COL17A1: variants seen among roughly 807,000 people sequenced by gnomAD.
COL17A1 encodes collagen type XVII alpha 1 chain.
COL17A1 carries 181 observed loss-of-function variants against 218.4 expected under a neutral mutation model. The observed-to-expected ratio is 0.83, with a 90% confidence interval of 0.73 to 0.94. COL17A1 has a LOEUF of 0.94. COL17A1 is among the 40% of genes least tolerant of loss of function. The pLI, the probability that COL17A1 is intolerant of heterozygous loss-of-function variation, is 0.00. For missense variants in COL17A1, 1,924 were observed against 1,945.9 expected (o/e 0.99, Z 0.21); for synonymous variants, 721 against 731.0 (o/e 0.99, Z 0.22).
Position 104,063,729 on chromosome 10 carries a change from C to A in COL17A1, c.838+18G>T. 6.2e-7 allele frequency: 1 copy of A among 1,614,098 alleles called. No homozygotes were observed. ...TGCAAATAGCCTGGAAAAGTCATCT[C>A]AAGATGGTGACACTGACCTGAGGAG... On this transcript the variant is annotated intron_variant, in intron 11 of 55. Coordinates refer to ENST00000648076, the MANE Select transcript of COL17A1 (RefSeq NM_000494.4).
Position 104,040,012 on chromosome 10 carries a change from G to A in COL17A1, c.2762-13C>T. On this transcript the variant is annotated splice_polypyrimidine_tract_variant and intron_variant, in intron 40 of 55. Coordinates refer to ENST00000648076, the MANE Select transcript of COL17A1 (RefSeq NM_000494.4). ...GGGCCTGGGGGACCTGAGGGAAAAA[G>A]GCAGAGAGCTATGAGACAGGTACCA... 6.2e-7 allele frequency: 1 copy of A among 1,613,928 alleles called. No individual in the cohort carries two copies. Among genetic ancestry groups the A allele is most frequent in the East Asian group, 2.2e-5 (1 of 44,846 alleles).
In COL17A1 at chr10:104,070,645, T is replaced by C. The variant is rs2086661935; in HGVS notation, c.464-76A>G. ...GTCCCTGTGCAACTGGGGGGAACAT[T>C]TGTGGCATTCTGACTACTGGGGAGA... On this transcript the variant is annotated intron_variant, in intron 8 of 55. Coordinates refer to ENST00000648076, the MANE Select transcript of COL17A1 (RefSeq NM_000494.4). The C allele has an allele frequency of 3.1e-6, 5 of 1,612,184 alleles. No individual in the cohort carries two copies. The Admixed American group carries it at 5.0e-5, about 16-fold the overall frequency.
Position 104,035,526 on chromosome 10 carries a change from C to A in COL17A1, c.3456G>T (p.Gly1152=), listed in dbSNP as rs547446962. ...AGGAGGTTCCCGGCAAGCCAGGGGG[C>A]CCCGGGGGACCAGGAAGCCCAATGC... ...GISIGLPGPP[G]PPGLPGTSYE... Residue 1152 remains glycine, a synonymous_variant, in exon 49 of 56, where the codon GGG becomes GGT. Coordinates refer to ENST00000648076, the MANE Select transcript of COL17A1 (RefSeq NM_000494.4). The A allele has an allele frequency of 7.4e-6, 12 of 1,613,364 alleles. No homozygotes were observed. Among genetic ancestry groups the A allele is most frequent in the Non-Finnish European group, 1.0e-5 (12 of 1,179,778 alleles).
intron 48 of COL17A1, among the ~76,000 whole-genome samples, chr10:104,035,863 TATGGGAGTGTGCGTGAGTACTGGA>T (rs2086278472): frequency 3.5e-5 from 1 of 28,568 alleles, no homozygotes; most frequent in East Asian, 1.8e-3. Flanking sequence ...TATGGGAGTG[TATGGGAGTGTGCGTGAGTACTGGA>T]GTGTATGGGA....
intron 15 of COL17A1, 67 bp from the exon 16 acceptor site, chr10:104,058,257 A>C: frequency 6.2e-7 from 1 of 1,605,778 alleles, no homozygotes; most frequent in Non-Finnish European, 8.5e-7. Context: ...CCTATGGAGT[A>C]GCCATTTTTT....
intron 2 of COL17A1, among the ~76,000 whole-genome samples, chr10:104,079,968 C>A (rs1589579811): frequency 2.0e-5 from 3 of 151,636 alleles, no homozygotes; most frequent in East Asian, 1.9e-4. Flanking sequence ...AGTGCAGTGG[C>A]AGCTTGATTT....
intron 40 of COL17A1, 57 bp from the exon 41 acceptor site, chr10:104,040,056 A>C (rs2086343104): frequency 6.3e-7 from 1 of 1,597,486 alleles, no homozygotes; most frequent in Non-Finnish European, 8.6e-7. Context: ...TTGTGGTTTC[A>C]ATGGGCCCAT....
At chr10:104,033,471 C>T in intron 52 of COL17A1, 96 bp from the exon 53 acceptor site, 2 of 1,438,778 alleles carry the variant, frequency 1.4e-6, no homozygotes, top group South Asian at 2.4e-5. Context: ...ACTCCCAAAG[C>T]AGTTGAACTA....
intron 47 of COL17A1, 63 bp from the exon 48 acceptor site, chr10:104,036,695 A>G: frequency 6.3e-7 from 1 of 1,589,062 alleles, no homozygotes; most frequent in East Asian, 2.3e-5. Context: ...GCCATGATCC[A>G]GCCACAGCCT....
chr10:104,032,057 T>C lies in COL17A1; in HGVS notation c.*178A>G, dbSNP rs555255804. The C allele has an allele frequency of 5.5e-5, 35 of 637,880 alleles. No homozygotes were observed. In the South Asian group the frequency reaches 6.0e-4, roughly 11 times the overall value. 39.5% of individuals were successfully genotyped at this position (637,880 alleles called of 1,614,324 possible). On this transcript the variant is annotated 3_prime_UTR_variant, in exon 56 of 56. Coordinates refer to ENST00000648076, the MANE Select transcript of COL17A1 (RefSeq NM_000494.4). ...ATGAAGCTGTTTCAGATTGTGTATC[T>C]TTGACTGAATTCTATAAGTATATAT...
intron 53 of COL17A1, 111 bp from the exon 54 acceptor site, chr10:104,033,079 T>C (rs1289909976): frequency 6.6e-7 from 1 of 1,518,044 alleles, no homozygotes; most frequent in African/African-American, 1.4e-5. Context: ...TTTGGACGTG[T>C]AAGAGGAAAC....
chr10:104,072,612 GA>G lies in COL17A1; in HGVS notation c.416-534del, dbSNP rs1245156080. On this transcript the variant is annotated intron_variant, in intron 7 of 55. Coordinates refer to ENST00000648076, the MANE Select transcript of COL17A1 (RefSeq NM_000494.4). ...GCATACTCCTAACTTCCAAGTTATTGATGATAATAAGGCCCATAGGAAGTCT... is the reference window on the plus strand; with the variant it reads ...GCATACTCCTAACTTCCAAGTTATTGTGATAATAAGGCCCATAGGAAGTCT... Among the ~76,000 whole-genome samples the G allele has an allele frequency of 3.3e-5, 5 of 152,162 alleles. No individual in the cohort carries two copies. In the East Asian group the frequency reaches 7.7e-4, roughly 23 times the overall value.
At position 104,038,514 on chromosome 10, in the gene COL17A1, T is replaced by C. The variant is rs2086325797; in HGVS notation, c.2962A>G (p.Thr988Ala). ...SGPSEGGSSS[T>A]MYVSGPPGPP... ...CCTGGCGGGCCTGACACGTACATGG[T>C]ACTTGATGATCCCCCTGCAGCAAAG... Residue 988 changes from threonine (T) to alanine (A), a missense_variant, in exon 45 of 56, where the codon ACC becomes GCC. Coordinates refer to ENST00000648076, the MANE Select transcript of COL17A1 (RefSeq NM_000494.4). 1.2e-6 allele frequency: 2 copies of C among 1,612,530 alleles called. No homozygotes were observed. The highest frequency in any genetic ancestry group is 2.7e-5 in the African/African-American group (2 of 74,768).
In COL17A1 at chr10:104,055,834, C is replaced by T. The variant is rs183362956; in HGVS notation, c.1635G>A (p.Gln545=). The T allele has an allele frequency of 1.2e-6, 2 of 1,614,248 alleles. No homozygotes were observed. Among genetic ancestry groups the T allele is most frequent in the African/African-American group, 2.7e-5 (2 of 75,062 alleles). ...TCCTCACGAACATCCAGAGCTCCTC[C>T]TGGCTGTCACTGTGCAGCCCAATTT... ...LDKIGLHSDS[Q]EELWMFVRKK... Residue 545 remains glutamine, a synonymous_variant, in exon 18 of 56, where the codon CAG becomes CAA. Transcript: ENST00000648076.
intron 44 of COL17A1, 80 bp from the exon 45 acceptor site, chr10:104,038,608 T>A: frequency 6.4e-7 from 1 of 1,566,938 alleles, no homozygotes; most frequent in Non-Finnish European, 8.7e-7. Flanking sequence ...GCTTCCATGG[T>A]CTGAGGAGGG....
chr10:104,050,626 G>T lies in COL17A1; in HGVS notation c.2123C>A (p.Pro708His), dbSNP rs1421786209. 3 of 1,613,222 alleles carry T rather than the reference G, an allele frequency of 1.9e-6. No individual in the cohort carries two copies. The highest frequency in any genetic ancestry group is 2.5e-6 in the Non-Finnish European group (3 of 1,180,028). Residue 708 changes from proline (P) to histidine (H), a missense_variant, in exon 27 of 56, where the codon CCC becomes CAC. Physicochemically the swap from Pro to His is moderately conservative, Grantham distance 77. Coordinates refer to ENST00000648076, the MANE Select transcript of COL17A1 (RefSeq NM_000494.4). ...AGCAGCAGTGAGTGGCATACCTTTGGGTCCTGGTGGTCCCATTGGTCCTTT... is the reference window on the plus strand; with the variant it reads ...AGCAGCAGTGAGTGGCATACCTTTGTGTCCTGGTGGTCCCATTGGTCCTTT... ...GDKGPMGPPG[P>H]KGDQGEKGPR...
Position 104,053,938 on chromosome 10 carries a change from C to T in COL17A1, c.1816G>A (p.Gly606Ser). The change falls in exon 22 of 56, where the codon GGT becomes AGT. Residue 606 changes from glycine (G) to serine (S), a missense_variant. Transcript: ENST00000648076. ...TTCTTACCCACGCTGCCTTTTTGAC[C>T]CTTTGGTCCTTGTGGACCTGGGTGG... Reference protein sequence around the residue: ...LGHPGPQGPKGQKGSVGDPGM... With the variant: ...LGHPGPQGPKSQKGSVGDPGM... 6.2e-7 allele frequency: 1 copy of T among 1,601,806 alleles called. No homozygotes were observed. Among genetic ancestry groups the T allele is most frequent in the Non-Finnish European group, 8.6e-7 (1 of 1,168,826 alleles).
chr10:104,037,698 G>C lies in COL17A1; in HGVS notation c.3146C>G (p.Thr1049Ser). Residue 1049 changes from threonine (T) to serine (S), a missense_variant, in exon 46 of 56, where the codon ACC becomes AGC. Coordinates refer to ENST00000648076, the MANE Select transcript of COL17A1 (RefSeq NM_000494.4). ...GTAGTCGAAAGTCTCGCCTGTGATG[G>C]TGGTGACAGGTCCTGGGGGACCAGG... The part of the protein sequence containing the change: ...GPPGPPGPVT[T>S]ITGETFDYSE... 6.2e-7 allele frequency: 1 copy of C among 1,614,192 alleles called. No homozygotes were observed. The highest frequency in any genetic ancestry group is 8.5e-7 in the Non-Finnish European group (1 of 1,180,042).
At chr10:104,043,986 G>C in intron 33 of COL17A1, 126 bp from the exon 34 acceptor site, 2 of 1,016,554 alleles carry the variant, frequency 2.0e-6, no homozygotes, top group Non-Finnish European at 3.1e-6. Flanking sequence ...CAGGCTAAAG[G>C]CATTTTAATG....
Sources: gnomAD v4.1 joint callset for allele counts (sites outside exome capture counted in the v4.1 genomes callset) on GRCh38, gnomAD v4.1.1 for gene constraint, MANE v1.5 for transcripts, NCBI Gene and HGNC (gene_info 2026-07-23, HGNC 2026-07-21) for gene names.